GLUD1: variants seen among roughly 807,000 people sequenced by gnomAD.
GLUD1 encodes glutamate dehydrogenase 1.
GLUD1 carries 22 observed loss-of-function variants against 56.0 expected under a neutral mutation model. The ratio of observed to expected loss-of-function variants is 0.39; its 90% CI spans 0.28 to 0.56. GLUD1 has a LOEUF of 0.56. Ranked by LOEUF, GLUD1 falls within the 20% of genes least tolerant of loss-of-function variation. The probability of loss-of-function intolerance (pLI) is 0.58; values close to 1 mark genes in which losing one functional copy is unlikely to be tolerated. For synonymous variants in GLUD1, 223 were observed against 269.9 expected (o/e 0.83, Z 1.70); for missense variants, 451 against 732.0 (o/e 0.62, Z 4.43).
chr10:87,083,572 GC>G (rs1309621413), intron 1 of GLUD1, among the ~76,000 whole-genome samples: 4 of 152,230 alleles, frequency 2.6e-5, no homozygotes, highest in Non-Finnish European at 4.4e-5. Flanking sequence ...AGCAGAGAAG[GC>G]TGAAGGTGAA....
chr10:87,053,192 T>C, intron 12 of GLUD1, 150 bp downstream of exon 12: 1 of 684,792 alleles, frequency 1.5e-6, no homozygotes, highest in Non-Finnish European at 2.7e-6. Context: ...CATCTGAGAC[T>C]GAAAAAACAT....
At chr10:87,054,371 G>C (rs752185216) in intron 11 of GLUD1, among the ~76,000 whole-genome samples, 1 of 152,188 alleles carries the variant, frequency 6.6e-6, no homozygotes, top group African/African-American at 2.4e-5. Context: ...CCAATGTTAG[G>C]AGAGTGAAGA....
intron 5 of GLUD1, among the ~76,000 whole-genome samples, chr10:87,063,369 G>A (rs1341625050): frequency 1.3e-5 from 2 of 152,138 alleles, no homozygotes; most frequent in African/African-American, 2.4e-5. Context: ...CACCACGCCC[G>A]GCAAAGTAGA....
chr10:87,077,535 C>T (rs1846432633), intron 1 of GLUD1, among the ~76,000 whole-genome samples: 1 of 149,516 alleles, frequency 6.7e-6, no homozygotes, highest in Non-Finnish European at 1.5e-5. Context: ...GCAAAGAGGG[C>T]AGGTAGCCAA....
At chr10:87,070,475 C>T (rs1846202155) in intron 4 of GLUD1, among the ~76,000 whole-genome samples, 1 of 151,886 alleles carries the variant, frequency 6.6e-6, no homozygotes, top group Non-Finnish European at 1.5e-5. Flanking sequence ...GGCACATGCC[C>T]ATAGTCCCAG....
chr10:87,054,028 G>GT (rs5786756), intron 11 of GLUD1, among the ~76,000 whole-genome samples: 54,836 of 151,890 alleles, frequency 0.36, 11,461 homozygotes, highest in East Asian at 0.69. Flanking sequence ...CATCAAGTCA[G>GT]TTCTCTCTTT....
intron 12 of GLUD1, among the ~76,000 whole-genome samples, chr10:87,052,761 G>A (rs957317000): frequency 8.7e-5 from 13 of 148,972 alleles, no homozygotes; most frequent in African/African-American, 1.2e-4. Flanking sequence ...AAAGGATGCC[G>A]AATTTAATAC....
At position 87,068,146 on chromosome 10, in the gene GLUD1, C is replaced by A; in HGVS notation, c.658G>T (p.Asp220Tyr). 1 of 1,610,766 alleles carries A rather than the reference C, an allele frequency of 6.2e-7. No homozygotes were observed. ...AKKGFIGPGI[D>Y]VPAPDMSTGE... ...GTGCTCATGTCTGGAGCAGGCACAT[C>A]AATGCCAGGACCTGCGGGGGCACAG... Residue 220 changes from aspartate (D) to tyrosine (Y), a missense_variant, in exon 5 of 13, where the codon GAT becomes TAT. Around this residue, in one of 4 missense-constraint regions of GLUD1, gnomAD observed 248 missense variants for 460.0 expected, o/e 0.54. Transcript: ENST00000277865.
At chr10:87,074,641 A>G in intron 3 of GLUD1, 27 bp from the exon 4 acceptor site, 5 of 1,319,280 alleles carry the variant, frequency 3.8e-6, no homozygotes, top group Non-Finnish European at 5.5e-6. Flanking sequence ...CAAAAACAAA[A>G]GAAAAAATTG....
intron 1 of GLUD1, among the ~76,000 whole-genome samples, chr10:87,080,306 C>T (rs1344376114): frequency 2.0e-5 from 3 of 152,086 alleles, no homozygotes; most frequent in East Asian, 2.0e-4. Context: ...ACCTCCCAGC[C>T]GCCTGCCTTG....
At chr10:87,086,504 C>A (rs1373008384) in intron 1 of GLUD1, among the ~76,000 whole-genome samples, 1 of 152,164 alleles carries the variant, frequency 6.6e-6, no homozygotes, top group East Asian at 1.9e-4. Context: ...CTGCTAGATT[C>A]ATCATTATTC....
At chr10:87,069,017 G>A (rs865880848) in intron 4 of GLUD1, among the ~76,000 whole-genome samples, 1 of 150,480 alleles carries the variant, frequency 6.6e-6, no homozygotes, top group Middle Eastern at 3.4e-3. Flanking sequence ...CCATTAAAAA[G>A]GGTAACTTAT....
At chr10:87,089,484 A>G in intron 1 of GLUD1, 1 of 270,942 alleles carries the variant, frequency 3.7e-6, no homozygotes, top group Non-Finnish European at 5.7e-6. Flanking sequence ...CATAGAACTG[A>G]TGATGCATGA....
chr10:87,089,330 C>T (rs911907435), intron 1 of GLUD1, among the ~76,000 whole-genome samples: 6 of 152,224 alleles, frequency 3.9e-5, no homozygotes, highest in African/African-American at 1.4e-4. Flanking sequence ...AACTCCACTA[C>T]GTACTAGCTG....
intron 1 of GLUD1, among the ~76,000 whole-genome samples, chr10:87,086,794 G>T (rs1025651364): frequency 6.9e-6 from 1 of 145,492 alleles, no homozygotes; most frequent in African/African-American, 2.6e-5. Context: ...TCGCGCCACT[G>T]CACTCCAGCC....
chr10:87,072,518 C>T (rs1396162337), intron 4 of GLUD1, among the ~76,000 whole-genome samples: 6 of 152,178 alleles, frequency 3.9e-5, no homozygotes, highest in Non-Finnish European at 7.4e-5. Context: ...AGAGAAAAAA[C>T]TCCCTTTGCC....
At chr10:87,062,273 C>T (rs1845957656) in intron 6 of GLUD1, among the ~76,000 whole-genome samples, 1 of 152,212 alleles carries the variant, frequency 6.6e-6, no homozygotes, top group Admixed American at 6.5e-5. Flanking sequence ...AAGTAAAATA[C>T]ATGTTAACAC....
At chr10:87,076,862 C>T (rs191389566) in intron 1 of GLUD1, among the ~76,000 whole-genome samples, 2 of 152,270 alleles carry the variant, frequency 1.3e-5, no homozygotes, top group African/African-American at 4.8e-5. Flanking sequence ...GTTAAAAAAA[C>T]CTGCTAATAA....
chr10:87,061,008 A>G lies in GLUD1; in HGVS notation c.966T>C (p.Arg322=). ...VGLHSMRYLH[R]FGAKCIAVGE... Reference sequence around the variant, plus strand: ...CAACAGCAATACATTTAGCACCAAAACGATGTAAATATCTCATAGAGTGTA... The same window carrying G: ...CAACAGCAATACATTTAGCACCAAAGCGATGTAAATATCTCATAGAGTGTA... The change falls in exon 7 of 13, where the codon CGT becomes CGC. Residue 322 remains arginine, a synonymous_variant. Transcript: ENST00000277865. 1 of 1,613,806 alleles carries G rather than the reference A, an allele frequency of 6.2e-7. No individual in the cohort carries two copies. Among genetic ancestry groups the G allele is most frequent in the Non-Finnish European group, 8.5e-7 (1 of 1,179,706 alleles).
Sources: gnomAD v4.1 joint callset for allele counts (sites outside exome capture counted in the v4.1 genomes callset) on GRCh38, gnomAD v4.1.1 for gene constraint, gnomAD v4.1.1 regional missense constraint, MANE v1.5 for transcripts, NCBI Gene and HGNC (gene_info 2026-07-23, HGNC 2026-07-21) for gene names.